Variants in ZNF391 observed in about 807,000 individuals in gnomAD.
The protein encoded by ZNF391 is zinc finger protein 391.
For synonymous variants in ZNF391, 126 were observed against 142.1 expected (o/e 0.89, Z 0.80); for missense variants, 375 against 425.5 (o/e 0.88, Z 1.04).
chr6:27,393,900 G>A (rs1281655052), intron 1 of ZNF391, among the ~76,000 whole-genome samples: 1 of 152,196 alleles, frequency 6.6e-6, no homozygotes, highest in Non-Finnish European at 1.5e-5. Context: ...ACTTCAGAGT[G>A]TTGATTTAGG....
intron 1 of ZNF391, among the ~76,000 whole-genome samples, chr6:27,381,409 G>A (rs12192619): frequency 6.6e-4 from 101 of 152,334 alleles, no homozygotes; most frequent in Non-Finnish European, 1.3e-3. Flanking sequence ...CAAGCACCGC[G>A]CGCAGCCCCA....
intron 1 of ZNF391, among the ~76,000 whole-genome samples, chr6:27,382,033 T>TAAA (rs1216446131): frequency 1.6e-4 from 2 of 12,526 alleles, no homozygotes. Context: ...AGACTCCATC[T>TAAA]CAAAAAAAAA....
upstream of ZNF391, among the ~76,000 whole-genome samples, chr6:27,384,887 G>A (rs901736203): frequency 2.6e-5 from 4 of 151,804 alleles, no homozygotes; most frequent in Non-Finnish European, 5.9e-5. Flanking sequence ...GCATGTTGGC[G>A]GGTGCCTGTA....
chr6:27,381,568 G>A (rs1761509151), intron 1 of ZNF391, among the ~76,000 whole-genome samples: 1 of 152,232 alleles, frequency 6.6e-6, no homozygotes, highest in Admixed American at 6.5e-5. Context: ...AGGCAGAGGA[G>A]GCGCCGAGAG....
chr6:27,381,674 G>A (rs1761511573), intron 1 of ZNF391, among the ~76,000 whole-genome samples: 1 of 152,202 alleles, frequency 6.6e-6, no homozygotes, highest in Admixed American at 6.5e-5. Context: ...GGAGGAGGAG[G>A]CTGCAGTGAG....
Position 27,401,126 on chromosome 6 carries a change from T to G in ZNF391, c.756T>G (p.Ser252Arg), listed in dbSNP as rs1276551760. The G allele has an allele frequency of 6.2e-7, 1 of 1,614,066 alleles. No homozygotes were observed. Residue 252 changes from serine to arginine, a missense_variant, in exon 3 of 3, where the codon AGT becomes AGG. Transcript: ENST00000244576. Reference protein sequence around the residue: ...IHTGENPYECSKCGKAFSWIS... With the variant: ...IHTGENPYECRKCGKAFSWIS... ...CTGGAGAGAATCCCTATGAATGCAG[T>G]AAATGTGGAAAAGCTTTCAGTTGGA... is the stretch of plus-strand genomic sequence containing the variant.
chr6:27,400,038 A>G (rs185850980), intron 2 of ZNF391, among the ~76,000 whole-genome samples: 1 of 151,822 alleles, frequency 6.6e-6, no homozygotes, highest in East Asian at 1.9e-4. Flanking sequence ...GCTCATTTCC[A>G]TTTGTTTGGG....
chr6:27,395,047 T>A (rs1481038865), intron 1 of ZNF391: 1 of 152,170 alleles, frequency 6.6e-6, no homozygotes, highest in Non-Finnish European at 1.5e-5. Flanking sequence ...CATCTCCAGA[T>A]GAGACTTTGG....
chr6:27,397,461 G>T (rs1168123344), intron 1 of ZNF391, among the ~76,000 whole-genome samples: 2 of 152,040 alleles, frequency 1.3e-5, no homozygotes, highest in African/African-American at 4.8e-5. Flanking sequence ...TTTCAGGGGA[G>T]GCTGGGGAGG....
chr6:27,379,477 A>G (rs367574480), intron 1 of ZNF391, among the ~76,000 whole-genome samples: 52 of 152,354 alleles, frequency 3.4e-4, no homozygotes, highest in African/African-American at 1.2e-3. Context: ...CCTATGTTGT[A>G]GGTATCTCAA....
At chr6:27,389,676 CG>C (rs927414616) in intron 1 of ZNF391, among the ~76,000 whole-genome samples, 2 of 152,184 alleles carry the variant, frequency 1.3e-5, no homozygotes. Context: ...TGGTGGCGCG[CG>C]CCTGTAATCC....
chr6:27,381,512 A>AGCG (rs1761507671), intron 1 of ZNF391, among the ~76,000 whole-genome samples: 1 of 152,246 alleles, frequency 6.6e-6, no homozygotes, highest in Non-Finnish European at 1.5e-5. Context: ...CCCACAGTGC[A>AGCG]GCGGCGGGCT....
At position 27,401,373 on chromosome 6, in the gene ZNF391, T is replaced by C; in HGVS notation, c.1003T>C (p.Cys335Arg). 6.2e-7 allele frequency: 1 copy of C among 1,613,892 alleles called. No homozygotes were observed. Among genetic ancestry groups the C allele is most frequent in the Non-Finnish European group, 8.5e-7 (1 of 1,180,026 alleles). The change falls in exon 3 of 3, where the codon TGT becomes CGT. Residue 335 changes from cysteine to arginine, a missense_variant. Physicochemically the swap from Cys to Arg is radical, Grantham distance 180. Coordinates refer to ENST00000244576, the MANE Select transcript of ZNF391 (RefSeq NM_001076781.3). ...RTHTGEKPYKCNDCGKAFCQS... is the reference protein window; with the variant it reads ...RTHTGEKPYKRNDCGKAFCQS... Reference sequence around the variant, plus strand: ...TCATACCGGGGAGAAGCCGTACAAATGTAATGACTGTGGAAAAGCCTTCTG... The same window carrying C: ...TCATACCGGGGAGAAGCCGTACAAACGTAATGACTGTGGAAAAGCCTTCTG...
At chr6:27,391,958 A>G (rs1349744718) in intron 1 of ZNF391, among the ~76,000 whole-genome samples, 2 of 152,208 alleles carry the variant, frequency 1.3e-5, no homozygotes, top group Non-Finnish European at 1.5e-5. Context: ...GATTCATTCT[A>G]GTTCTCTCCC....
chr6:27,399,074 T>C (rs1761893252), intron 1 of ZNF391, among the ~76,000 whole-genome samples: 1 of 152,208 alleles, frequency 6.6e-6, no homozygotes, highest in Non-Finnish European at 1.5e-5. Context: ...CAACCTAGAC[T>C]GTATTTCTAA....
Position 27,400,810 on chromosome 6 carries a change from G to A in ZNF391, c.440G>A (p.Ser147Asn), listed in dbSNP as rs753243521. 3 of 1,614,092 alleles carry A rather than the reference G, an allele frequency of 1.9e-6. No homozygotes were observed. The highest frequency in any genetic ancestry group is 1.3e-5 in the African/African-American group (1 of 74,942). Residue 147 changes from serine to asparagine, a missense_variant, in exon 3 of 3, where the codon AGC becomes AAC. By Grantham distance (46) the Ser-to-Asn change is conservative (BLOSUM62 1). Coordinates refer to ENST00000244576, the MANE Select transcript of ZNF391 (RefSeq NM_001076781.3). Reference sequence around the variant, plus strand: ...TGCAACAAATGTGGGAAATCTTTCAGCCGAAGTACACACCTTATTGAACAT... The same window carrying A: ...TGCAACAAATGTGGGAAATCTTTCAACCGAAGTACACACCTTATTGAACAT... ...FECNKCGKSF[S>N]RSTHLIEHQR...
intron 1 of ZNF391, among the ~76,000 whole-genome samples, chr6:27,399,192 G>A (rs1440998195): frequency 6.6e-6 from 1 of 152,168 alleles, no homozygotes; most frequent in African/African-American, 2.4e-5. Context: ...GATATCTGGA[G>A]TAACAAGTGT....
intron 1 of ZNF391, among the ~76,000 whole-genome samples, chr6:27,398,718 G>T (rs1761883091): frequency 6.6e-6 from 1 of 152,102 alleles, no homozygotes; most frequent in Non-Finnish European, 1.5e-5. Flanking sequence ...ACTAGCCGGG[G>T]TGTGGTGGCG....
chr6:27,379,951 G>A (rs148188410), intron 1 of ZNF391, among the ~76,000 whole-genome samples: 3 of 152,292 alleles, frequency 2.0e-5, no homozygotes, highest in East Asian at 3.9e-4. Flanking sequence ...AACTGAGAAA[G>A]GTGTGAAGTT....
Sources: allele counts gnomAD v4.1 joint callset (sites outside exome capture counted in the v4.1 genomes callset), GRCh38; gene constraint gnomAD v4.1.1; transcripts MANE v1.5; gene names NCBI Gene and HGNC (gene_info 2026-07-23, HGNC 2026-07-21).